Variants in SAP30BP observed in about 807,000 individuals in gnomAD.
SAP30BP encodes the protein SAP30 binding protein.
A neutral mutation model predicts 46.3 loss-of-function variants in SAP30BP; 31 were observed. The observed-to-expected ratio is 0.67, with a 90% CI of 0.50 to 0.90. The LOEUF (loss-of-function observed/expected upper bound fraction) is 0.90. Among genes scored for constraint, SAP30BP ranks in the 40% least tolerant of loss-of-function variants. The pLI, the probability that SAP30BP is intolerant of heterozygous loss-of-function variation, is 0.00. For synonymous variants in SAP30BP, 169 were observed against 144.2 expected (o/e 1.17, Z -1.23); for missense variants, 312 against 391.0 (o/e 0.80, Z 1.70).
At chr17:75,674,375 A>G (rs896274418) in intron 3 of SAP30BP, among the ~76,000 whole-genome samples, 8 of 151,578 alleles carry the variant, frequency 5.3e-5, no homozygotes, top group South Asian at 2.1e-4. Flanking sequence ...GCTCAGTGCA[A>G]CCTCCGCCTC....
intron 2 of SAP30BP, among the ~76,000 whole-genome samples, chr17:75,669,356 G>A (rs1323031227): frequency 6.6e-6 from 1 of 151,914 alleles, no homozygotes; most frequent in African/African-American, 2.4e-5. Context: ...CAATTCTCCT[G>A]CCCTCAGCCT....
chr17:75,692,629 G>C (rs1457978776), intron 3 of SAP30BP: 2 of 468,842 alleles, frequency 4.3e-6, no homozygotes, highest in African/African-American at 4.2e-5. Flanking sequence ...TGGTTTAGAT[G>C]AAACATTTAC....
At position 75,693,403 on chromosome 17, in the gene SAP30BP, C is replaced by T. The variant is rs1013614095; in HGVS notation, c.265-37C>T. 1.9e-6 allele frequency: 3 copies of T among 1,588,654 alleles called. No homozygotes were observed. In the African/African-American group the frequency reaches 4.0e-5, roughly 21 times the overall value. ...GTAGAGAGTAGCTGGTTCAGGAGCCCCAGTCTTACCTCCTCGTATTTGTTT... is the reference window on the plus strand; with the variant it reads ...GTAGAGAGTAGCTGGTTCAGGAGCCTCAGTCTTACCTCCTCGTATTTGTTT... On this transcript the variant is annotated intron_variant, in intron 3 of 10. Transcript: ENST00000584667.
chr17:75,674,698 T>TG (rs1209933250), intron 3 of SAP30BP, among the ~76,000 whole-genome samples: 51 of 30,002 alleles, frequency 1.7e-3, no homozygotes, highest in Middle Eastern at 0.013. Context: ...TTGTTTTTTG[T>TG]TTTTTTTTTT....
intron 3 of SAP30BP, among the ~76,000 whole-genome samples, chr17:75,681,458 G>GA (rs1288171164): frequency 6.6e-6 from 1 of 152,186 alleles, no homozygotes; most frequent in African/African-American, 2.4e-5. Context: ...GTATTGGGCA[G>GA]AGCTGACTCG....
chr17:75,703,847 T>G lies in SAP30BP; in HGVS notation c.589T>G (p.Tyr197Asp). The change falls in exon 8 of 11, where the codon TAT becomes GAT. Residue 197 changes from tyrosine to aspartate, a missense_variant. Transcript: ENST00000584667. ...DPHGWSEDSY[Y>D]EALAKAQKIE... ...CCATGGCTGGTCTGAGGACTCCTAC[T>G]ATGAGGCATTAGGTAGCCTTTCGTC... 1 of 1,613,000 alleles carries G rather than the reference T, an allele frequency of 6.2e-7. No individual in the cohort carries two copies. The highest frequency in any genetic ancestry group is 1.1e-5 in the South Asian group (1 of 91,066).
At chr17:75,678,856 A>T (rs1001471715) in intron 3 of SAP30BP, among the ~76,000 whole-genome samples, 23 of 152,048 alleles carry the variant, frequency 1.5e-4, no homozygotes, top group African/African-American at 5.3e-4. Context: ...CCTGAGGCAG[A>T]CCTGAAGCCG....
intron 5 of SAP30BP, among the ~76,000 whole-genome samples, chr17:75,701,407 C>T (rs2060408812): frequency 6.6e-6 from 1 of 152,114 alleles, no homozygotes; most frequent in Non-Finnish European, 1.5e-5. Flanking sequence ...ATGCTGATGC[C>T]GTCTACTTTG....
At position 75,667,493 on chromosome 17, in the gene SAP30BP, C is replaced by T. The variant is rs1192736220; in HGVS notation, c.106+15C>T. ...CAGCGCGGCTGGTAAGGCCCAAGTG[C>T]GAAGCTGGAAGGGGGAATCGGGTGT... On this transcript the variant is annotated intron_variant, in intron 1 of 10. Coordinates refer to ENST00000584667, the MANE Select transcript of SAP30BP (RefSeq NM_013260.8). 6.2e-7 allele frequency: 1 copy of T among 1,611,704 alleles called. No individual in the cohort carries two copies. The highest frequency in any genetic ancestry group is 8.5e-7 in the Non-Finnish European group (1 of 1,178,286).
intron 3 of SAP30BP, among the ~76,000 whole-genome samples, chr17:75,683,264 C>T (rs1474045363): frequency 2.0e-5 from 3 of 151,556 alleles, no homozygotes; most frequent in Non-Finnish European, 2.9e-5. Flanking sequence ...CCAAGCTGGT[C>T]TCGGACTCCT....
Position 75,706,725 on chromosome 17 carries a change from G to T in SAP30BP, c.*204G>T. 1.7e-6 allele frequency: 1 copy of T among 581,804 alleles called. No individual in the cohort carries two copies. Among genetic ancestry groups the T allele is most frequent in the South Asian group, 2.1e-5 (1 of 46,562 alleles). 36.0% of individuals were successfully genotyped at this position (581,804 alleles called of 1,614,324 possible). On this transcript the variant is annotated 3_prime_UTR_variant, in exon 11 of 11. Transcript: ENST00000584667. The surrounding 1 kb of genome is among the most constrained non-coding windows in gnomAD (Gnocchi z 4.6). ...CAGGGTCTGTCCACGCACCACCTGG[G>T]GTCTGCCGCCTATTAAAAGTGCCGT...
rs986396288 is a variant in SAP30BP, at chr17:75,668,774, A to G, written c.216+149A>G. 12 of 573,786 alleles carry G rather than the reference A, an allele frequency of 2.1e-5. No homozygotes were observed. In the South Asian group the frequency reaches 2.2e-4, roughly 11 times the overall value. 35.5% of individuals were successfully genotyped at this position (573,786 alleles called of 1,614,324 possible). A position where few individuals can be genotyped will look rare whatever the true frequency, so the allele number is the denominator to read the frequency against. On this transcript the variant is annotated intron_variant, in intron 2 of 10. Coordinates refer to ENST00000584667, the MANE Select transcript of SAP30BP (RefSeq NM_013260.8). Reference sequence around the variant, plus strand: ...GTATTAGTGGAAGAAACTGGATTGGATATCAGATCTGTTTGAAAATGTATT... The same window carrying G: ...GTATTAGTGGAAGAAACTGGATTGGGTATCAGATCTGTTTGAAAATGTATT...
At chr17:75,671,262 A>G (rs781170652) in intron 2 of SAP30BP, among the ~76,000 whole-genome samples, 4 of 152,192 alleles carry the variant, frequency 2.6e-5, no homozygotes, top group Non-Finnish European at 5.9e-5. Context: ...TTGCTCAGGT[A>G]GTTTGATGCC....
chr17:75,704,732 T>TA, intron 8 of SAP30BP, 24 bp from the exon 9 acceptor site: 1 of 1,606,626 alleles, frequency 6.2e-7, no homozygotes, highest in Non-Finnish European at 8.5e-7. Flanking sequence ...GCCACCTTTG[T>TA]AACAGCTTCT....
intron 3 of SAP30BP, among the ~76,000 whole-genome samples, chr17:75,675,369 T>TCGATC (rs1164534740): frequency 2.6e-5 from 4 of 152,004 alleles, no homozygotes; most frequent in Admixed American, 6.5e-5. Context: ...CAGGATGGTC[T>TCGATC]TGATCTCCTG....
chr17:75,689,524 C>G (rs2148401346), intron 3 of SAP30BP, among the ~76,000 whole-genome samples: 1 of 152,312 alleles, frequency 6.6e-6, no homozygotes, highest in South Asian at 2.1e-4. Context: ...GGGTGAAAAG[C>G]CCTCAGCCTG....
chr17:75,690,090 A>G (rs2060220167), intron 3 of SAP30BP, among the ~76,000 whole-genome samples: 1 of 152,218 alleles, frequency 6.6e-6, no homozygotes, highest in African/African-American at 2.4e-5. Flanking sequence ...CATGTAACAG[A>G]CCTGCACATA....
chr17:75,674,206 T>C (rs967645184), intron 3 of SAP30BP, among the ~76,000 whole-genome samples: 1 of 152,172 alleles, frequency 6.6e-6, no homozygotes, highest in East Asian at 1.9e-4. Flanking sequence ...ATCCTTCTGC[T>C]TGAGCTGGCC....
intron 3 of SAP30BP, 98 bp from the exon 4 acceptor site, chr17:75,693,342 C>T: frequency 1.9e-6 from 2 of 1,058,776 alleles, no homozygotes; most frequent in South Asian, 1.3e-5. Context: ...AGTGCTTTTA[C>T]TTTTTCTCCT....
Sources: allele counts gnomAD v4.1 joint callset (sites outside exome capture counted in the v4.1 genomes callset), GRCh38; gene constraint gnomAD v4.1.1; non-coding constraint Gnocchi (gnomAD v3.1); transcripts MANE v1.5; gene names NCBI Gene and HGNC (gene_info 2026-07-23, HGNC 2026-07-21).